The following ULK4 variants were observed in gnomAD, a reference collection of about 807,000 sequenced individuals.
The protein encoded by ULK4 is inactive serine/threonine-protein kinase ULK4.
Under a neutral mutation model 160.6 loss-of-function variants are expected in ULK4, and 133 were observed. The ratio of observed to expected loss-of-function variants is 0.83; its 90% CI spans 0.72 to 0.96. The LOEUF is 0.96. Ranked by LOEUF, ULK4 falls within the 40% of genes least tolerant of loss-of-function variation. The pLI, the probability that ULK4 is intolerant of heterozygous loss-of-function variation, is 0.00. For missense variants in ULK4, 1,580 were observed against 1,499.5 expected (o/e 1.05, Z -0.89); for synonymous variants, 534 against 539.8 (o/e 0.99, Z 0.15).
At chr3:41,937,703 C>G (rs1032577438) in intron 3 of ULK4, among the ~76,000 whole-genome samples, 1 of 152,092 alleles carries the variant, frequency 6.6e-6, no homozygotes, top group Non-Finnish European at 1.5e-5. Flanking sequence ...CATCTTTGTA[C>G]TTTTTCACAT....
At chr3:41,808,713 A>C (rs1263744181) in intron 19 of ULK4, among the ~76,000 whole-genome samples, 3 of 152,214 alleles carry the variant, frequency 2.0e-5, no homozygotes, top group Non-Finnish European at 4.4e-5. Flanking sequence ...TTAACAAAAA[A>C]GTTTTCTGCC....
rs192118184 is a variant in ULK4, at chr3:41,331,465, A to G, written c.3678+66614T>C. Among the ~76,000 whole-genome samples, 8 of 152,348 alleles carry G rather than the reference A, an allele frequency of 5.3e-5. No homozygotes were observed. The East Asian group carries it at 1.3e-3, about 26-fold the overall frequency. ...ATTCCTTGCCTTTAGATCCTTGGTAAAAAGTGAAAACAAGAAGAAAAATAT... is the reference window on the plus strand; with the variant it reads ...ATTCCTTGCCTTTAGATCCTTGGTAGAAAGTGAAAACAAGAAGAAAAATAT... On this transcript the variant is annotated intron_variant, in intron 35 of 36. Transcript: ENST00000301831.
At chr3:41,854,456 T>C in intron 17 of ULK4, among the ~76,000 whole-genome samples, 1 of 152,284 alleles carries the variant, frequency 6.6e-6, no homozygotes, top group South Asian at 2.1e-4. Context: ...AGCCCTTATC[T>C]GCACAGACAA....
intron 5 of ULK4, among the ~76,000 whole-genome samples, chr3:41,921,213 G>A (rs1439338722): frequency 6.6e-6 from 1 of 152,144 alleles, no homozygotes; most frequent in Non-Finnish European, 1.5e-5. Flanking sequence ...ACAGGAGGCT[G>A]AGGCATGAGA....
intron 23 of ULK4, among the ~76,000 whole-genome samples, chr3:41,717,443 G>C (rs529373681): frequency 2.0e-5 from 3 of 151,830 alleles, no homozygotes; most frequent in Non-Finnish European, 4.4e-5. Flanking sequence ...CCAATTTTAA[G>C]CAATTAAACC....
chr3:41,444,643 A>T (rs1162947126), intron 34 of ULK4, among the ~76,000 whole-genome samples: 2 of 152,148 alleles, frequency 1.3e-5, no homozygotes, highest in Non-Finnish European at 2.9e-5. Flanking sequence ...TTAACCATTA[A>T]TTATGCAAAA....
intron 35 of ULK4, among the ~76,000 whole-genome samples, chr3:41,250,543 G>A (rs942302380): frequency 5.9e-5 from 9 of 152,174 alleles, no homozygotes; most frequent in African/African-American, 1.7e-4. Context: ...TCCCCACCAC[G>A]AAGGTGGAAC....
intron 32 of ULK4, among the ~76,000 whole-genome samples, chr3:41,531,094 T>C (rs982860026): frequency 6.7e-6 from 1 of 149,468 alleles, no homozygotes; most frequent in Non-Finnish European, 1.5e-5. Context: ...GAATGCCCAG[T>C]GTTTTGGCAG....
At chr3:41,861,283 TC>T (rs1408127082) in intron 17 of ULK4, among the ~76,000 whole-genome samples, 1 of 152,206 alleles carries the variant, frequency 6.6e-6, no homozygotes, top group Non-Finnish European at 1.5e-5. Flanking sequence ...ACTGTCCTTT[TC>T]TTTCTGACTG....
At chr3:41,857,562 T>C (rs1288692577) in intron 17 of ULK4, among the ~76,000 whole-genome samples, 3 of 152,192 alleles carry the variant, frequency 2.0e-5, no homozygotes, top group Non-Finnish European at 4.4e-5. Context: ...CTTTAAATGT[T>C]AGGTAGAATT....
At chr3:41,713,088 A>G (rs541439454) in intron 25 of ULK4, among the ~76,000 whole-genome samples, 2 of 145,798 alleles carry the variant, frequency 1.4e-5, no homozygotes, top group East Asian at 2.5e-4. Context: ...CAAAAAAAAG[A>G]AAAAAAAAAG....
chr3:41,256,817 T>A (rs1007111418), intron 35 of ULK4, among the ~76,000 whole-genome samples: 1 of 152,234 alleles, frequency 6.6e-6, no homozygotes, highest in Non-Finnish European at 1.5e-5. Context: ...GCAACTTACA[T>A]ATCTGATAAA....
At chr3:41,820,376 A>C (rs917609258) in intron 18 of ULK4, among the ~76,000 whole-genome samples, 6 of 152,186 alleles carry the variant, frequency 3.9e-5, no homozygotes, top group Non-Finnish European at 8.8e-5. Flanking sequence ...TATTCATCGT[A>C]GCACTATTCA....
intron 35 of ULK4, among the ~76,000 whole-genome samples, chr3:41,259,145 A>C (rs1268867095): frequency 6.6e-6 from 1 of 151,416 alleles, no homozygotes; most frequent in African/African-American, 2.4e-5. Flanking sequence ...ATCAGATAAC[A>C]CACTTGGGAT....
intron 22 of ULK4, among the ~76,000 whole-genome samples, chr3:41,750,615 CAAAAA>C (rs148818032): frequency 6.6e-6 from 1 of 151,572 alleles, no homozygotes; most frequent in Non-Finnish European, 1.5e-5. Flanking sequence ...CTTTCCAAAA[CAAAAA>C]AAACACTGCC....
chr3:41,267,912 C>A (rs1209930379), intron 35 of ULK4, among the ~76,000 whole-genome samples: 3 of 152,128 alleles, frequency 2.0e-5, no homozygotes, highest in African/African-American at 7.2e-5. Context: ...AGATGTCTAC[C>A]AGATTGAGAG....
intron 36 of ULK4, among the ~76,000 whole-genome samples, chr3:41,248,197 C>T (rs951768788): frequency 5.3e-5 from 8 of 152,216 alleles, no homozygotes; most frequent in Admixed American, 1.3e-4. Context: ...TCAAACTCCA[C>T]TCCTCTGTGG....
At chr3:41,717,699 T>C (rs17060938) in intron 23 of ULK4, 29 bp downstream of exon 23, 308,495 of 1,580,182 alleles carry the variant, frequency 0.2, 40,288 homozygotes, top group African/African-American at 0.68. Flanking sequence ...AAAGCAGAAA[T>C]GGGGCCTGAG....
intron 31 of ULK4, among the ~76,000 whole-genome samples, chr3:41,573,950 G>T (rs2088090906): frequency 6.6e-6 from 1 of 152,164 alleles, no homozygotes; most frequent in African/African-American, 2.4e-5. Flanking sequence ...TATTACTGAT[G>T]ATTTTTCACA....
Sources: allele counts gnomAD v4.1 joint callset (sites outside exome capture counted in the v4.1 genomes callset), GRCh38; gene constraint gnomAD v4.1.1; transcripts MANE v1.5; gene names NCBI Gene and HGNC (gene_info 2026-07-23, HGNC 2026-07-21).